The following SYT10 variants were observed in gnomAD, a reference collection of about 807,000 sequenced individuals.
SYT10 encodes the protein synaptotagmin-10.
A neutral mutation model predicts 51.1 loss-of-function variants in SYT10; 31 were observed. The ratio of observed to expected loss-of-function variants is 0.61; its 90% CI spans 0.46 to 0.82. SYT10 has a LOEUF of 0.82. Among genes scored for constraint, SYT10 ranks in the 40% least tolerant of loss-of-function variants. The pLI, the probability that SYT10 is intolerant of heterozygous loss-of-function variation, is 0.00. For missense variants in SYT10, 603 were observed against 634.0 expected, an observed-to-expected ratio of 0.95 and a Z score of 0.53; for synonymous variants, 233 against 225.9, an observed-to-expected ratio of 1.03 and a Z score of -0.28.
chr12:33,395,062 T>C (rs566007846), intron 3 of SYT10, among the ~76,000 whole-genome samples: 1 of 152,348 alleles, frequency 6.6e-6, no homozygotes, highest in East Asian at 1.9e-4. Flanking sequence ...CACTCCAGCC[T>C]GAGCGACAGA....
chr12:33,415,436 A>C (rs1352847325), intron 2 of SYT10, among the ~76,000 whole-genome samples: 2 of 152,160 alleles, frequency 1.3e-5, no homozygotes, highest in Non-Finnish European at 2.9e-5. Context: ...CCTGGTCTAA[A>C]AAGACCCCCT....
At position 33,437,023 on chromosome 12, in the gene SYT10, C is replaced by T. The variant is rs149125449; in HGVS notation, c.151+2349G>A. Among the ~76,000 whole-genome samples, 504 of 152,280 alleles carry T rather than the reference C, an allele frequency of 3.3e-3. 1 individual carries two copies. Among genetic ancestry groups the T allele is most frequent in the African/African-American group, 0.012 (478 of 41,546 alleles). Reference sequence around the variant, plus strand: ...AAATCTACTTTAAAGAACAGTGTGACGCTGGGTGGCTAAGAAATATAATTA... The same window carrying T: ...AAATCTACTTTAAAGAACAGTGTGATGCTGGGTGGCTAAGAAATATAATTA... On this transcript the variant is annotated intron_variant, in intron 1 of 6. Coordinates refer to ENST00000228567, the MANE Select transcript of SYT10 (RefSeq NM_198992.4).
In SYT10 at chr12:33,375,868, T is replaced by G. The variant is rs1565709097; in HGVS notation, c.*962A>C. On this transcript the variant is annotated 3_prime_UTR_variant, in exon 7 of 7. Coordinates refer to ENST00000228567, the MANE Select transcript of SYT10 (RefSeq NM_198992.4). ...TAAACGGTGATGAACACAGACAGTG[T>G]TGTTGTTCCTTTGGTGTCTGTTAGT... The G allele has an allele frequency of 6.6e-6, 1 of 152,574 alleles. No individual in the cohort carries two copies. The highest frequency in any genetic ancestry group is 1.5e-5 in the Non-Finnish European group (1 of 67,994). The allele number at this position is 152,574 out of a possible 1,614,324, so 9.5% of individuals were successfully genotyped here. A position where few individuals can be genotyped will look rare whatever the true frequency, so the allele number is the denominator to read the frequency against.
At chr12:33,411,489 A>T (rs751537683) in intron 2 of SYT10, among the ~76,000 whole-genome samples, 3 of 151,710 alleles carry the variant, frequency 2.0e-5, no homozygotes, top group Non-Finnish European at 4.4e-5. Flanking sequence ...TTTATTGGAA[A>T]TGACATATTT....
At chr12:33,417,636 G>C (rs1260774221) in intron 2 of SYT10, among the ~76,000 whole-genome samples, 1 of 152,208 alleles carries the variant, frequency 6.6e-6, no homozygotes, top group African/African-American at 2.4e-5. Flanking sequence ...GCTAAATGAG[G>C]AATGTGGTCA....
intron 2 of SYT10, among the ~76,000 whole-genome samples, chr12:33,421,696 T>A (rs1207702149): frequency 6.6e-6 from 1 of 152,180 alleles, no homozygotes; most frequent in Non-Finnish European, 1.5e-5. Flanking sequence ...GCTGAAAATT[T>A]AGCATCTAGT....
Position 33,385,212 on chromosome 12 carries a change from TTAA to T in SYT10, c.1154_1156del (p.Ile385del), listed in dbSNP as rs1413047496. 6.2e-7 allele frequency: 1 copy of T among 1,613,754 alleles called. No homozygotes were observed. Among genetic ancestry groups the T allele is most frequent in the Non-Finnish European group, 8.5e-7 (1 of 1,179,774 alleles). On this transcript the variant is annotated inframe_deletion, in exon 4 of 7. Transcript: ENST00000228567. ...ATCCATCGCCTTCAGATTTCTGCAC[TTAA>T]TGACTGTCAATGTCATACGCCCAGC...
Position 33,438,529 on chromosome 12 carries a change from G to A in SYT10, c.151+843C>T, listed in dbSNP as rs145494529. Among the ~76,000 whole-genome samples, 864 of 152,204 alleles carry A rather than the reference G, an allele frequency of 5.7e-3. 5 individuals are homozygous for A. Among genetic ancestry groups the A allele is most frequent in the African/African-American group, 0.02 (820 of 41,550 alleles). On this transcript the variant is annotated intron_variant, in intron 1 of 6. Coordinates refer to ENST00000228567, the MANE Select transcript of SYT10 (RefSeq NM_198992.4). ...TCGATCCTTTCCACCCCCAAGCCTT[G>A]AGGAAAATCCACTTGAGACTTTTTT...
At chr12:33,422,782 G>A (rs1189575480) in intron 2 of SYT10, among the ~76,000 whole-genome samples, 2 of 151,874 alleles carry the variant, frequency 1.3e-5, no homozygotes, top group Non-Finnish European at 2.9e-5. Context: ...TGGAAATAAT[G>A]TCTCAATGTT....
chr12:33,390,362 T>C (rs1185876787), intron 3 of SYT10, among the ~76,000 whole-genome samples: 1 of 152,148 alleles, frequency 6.6e-6, no homozygotes, highest in South Asian at 2.1e-4. Context: ...ATAATAAATG[T>C]GCAATGTCAT....
intron 3 of SYT10, among the ~76,000 whole-genome samples, chr12:33,392,932 C>T (rs1866221428): frequency 7.9e-6 from 1 of 126,668 alleles, no homozygotes; most frequent in African/African-American, 3.2e-5. Context: ...AGTTCCCTTC[C>T]AAATGGGAAA....
intron 3 of SYT10, among the ~76,000 whole-genome samples, chr12:33,388,524 G>T (rs1437305187): frequency 1.3e-5 from 2 of 152,098 alleles, no homozygotes; most frequent in African/African-American, 4.8e-5. Context: ...ATAACCATTT[G>T]AAAGCCTGTT....
chr12:33,393,656 A>G (rs1866229540), intron 3 of SYT10, among the ~76,000 whole-genome samples: 1 of 152,128 alleles, frequency 6.6e-6, no homozygotes, highest in Admixed American at 6.5e-5. Flanking sequence ...AAAGCCATCA[A>G]TAGCCTCAAA....
intron 6 of SYT10, 112 bp downstream of exon 6, chr12:33,379,720 T>A (rs1866097208): frequency 9.3e-6 from 12 of 1,292,620 alleles, no homozygotes; most frequent in Middle Eastern, 4.0e-4. Context: ...ATCTTTTCTA[T>A]TTTTTTTAAC....
intron 2 of SYT10, among the ~76,000 whole-genome samples, chr12:33,419,491 C>G (rs1866482352): frequency 1.3e-5 from 2 of 152,132 alleles, no homozygotes; most frequent in African/African-American, 4.8e-5. Context: ...AAAATCCCTT[C>G]AGTAATTTAC....
chr12:33,384,964 G>T (rs1399429385), intron 4 of SYT10, among the ~76,000 whole-genome samples: 3 of 152,106 alleles, frequency 2.0e-5, no homozygotes, highest in East Asian at 1.9e-4. Flanking sequence ...CCCAAATTCA[G>T]ATCTATTTGA....
intron 3 of SYT10, among the ~76,000 whole-genome samples, chr12:33,403,420 G>A (rs1319446701): frequency 3.3e-5 from 5 of 151,726 alleles, no homozygotes; most frequent in East Asian, 3.9e-4. Flanking sequence ...TAGTAGAGAC[G>A]GGGCTTCACT....
intron 2 of SYT10, among the ~76,000 whole-genome samples, chr12:33,418,774 C>T (rs893850739): frequency 1.3e-5 from 2 of 152,166 alleles, no homozygotes; most frequent in Non-Finnish European, 2.9e-5. Flanking sequence ...GTCTGAAACA[C>T]CATCACCTCT....
chr12:33,423,651 G>C (rs1450223935), intron 2 of SYT10, among the ~76,000 whole-genome samples: 1 of 152,110 alleles, frequency 6.6e-6, no homozygotes, highest in Non-Finnish European at 1.5e-5. Context: ...TACAATTCCA[G>C]ATTTTTAATT....
Sources: allele counts gnomAD v4.1 joint callset (sites outside exome capture counted in the v4.1 genomes callset), GRCh38; gene constraint gnomAD v4.1.1; transcripts MANE v1.5; gene names NCBI Gene and HGNC (gene_info 2026-07-23, HGNC 2026-07-21).